The following ZNF121 variants were observed in gnomAD, a reference collection of about 807,000 sequenced individuals.
The protein encoded by ZNF121 is zinc finger protein 121 (clone ZHC32).
A neutral mutation model predicts 2.4 loss-of-function variants in ZNF121; 1 was observed. The observed-to-expected ratio is 0.41, with a 90% CI of 0.15 to 1.94. The LOEUF (loss-of-function observed/expected upper bound fraction) is 1.94, where lower values mean the gene tolerates loss of function less well. Ranked by LOEUF, ZNF121 falls within the 30% of genes most tolerant of loss-of-function variation. The pLI is 0.30. For synonymous variants in ZNF121, 173 were observed against 158.6 expected, an observed-to-expected ratio of 1.09 and a Z score of -0.68; for missense variants, 369 against 466.3, an observed-to-expected ratio of 0.79 and a Z score of 1.92.
In ZNF121 at chr19:9,561,761, G is replaced by C. The variant is rs2074102045; in HGVS notation, c.*4179C>G. The C allele has an allele frequency of 6.6e-6, 1 of 152,056 alleles. No homozygotes were observed. The highest frequency in any genetic ancestry group is 2.1e-4 in the South Asian group (1 of 4,816). 9.4% of individuals were successfully genotyped at this position (152,056 alleles called of 1,614,324 possible). On this transcript the variant is annotated 3_prime_UTR_variant, in exon 4 of 4. Coordinates refer to ENST00000320451, the MANE Select transcript of ZNF121 (RefSeq NM_001008727.5). ...TAAGTGGGTGCGTTAGCATGTGCCT[G>C]TGGTCCCAGGTACTCAGGAGACTCA...
intron 1 of ZNF121, among the ~76,000 whole-genome samples, chr19:9,582,935 G>A (rs563344889): frequency 1.7e-4 from 7 of 41,324 alleles, no homozygotes; most frequent in African/African-American, 2.6e-4. Context: ...CTCCATCCTG[G>A]CCAGGAGCGG....
chr19:9,567,183 GAC>G (rs2074140113), intron 3 of ZNF121, 74 bp from the exon 4 acceptor site: 2 of 1,330,706 alleles, frequency 1.5e-6, no homozygotes, highest in South Asian at 1.4e-5. Flanking sequence ...TCTGAAATCA[GAC>G]AGTTTATTAT....
At chr19:9,582,902 GAAT>G (rs2074257721) in intron 1 of ZNF121, among the ~76,000 whole-genome samples, 1 of 39,224 alleles carries the variant, frequency 2.5e-5, no homozygotes, top group Non-Finnish European at 4.1e-5. Flanking sequence ...ACTAATACTA[GAAT>G]AATATTCTGA....
chr19:9,579,505 C>A (rs1463964237), intron 1 of ZNF121, among the ~76,000 whole-genome samples: 1 of 152,184 alleles, frequency 6.6e-6, no homozygotes, highest in South Asian at 2.1e-4. Flanking sequence ...GCCAACATGG[C>A]GAAACTCCAT....
intron 1 of ZNF121, among the ~76,000 whole-genome samples, chr19:9,570,270 A>C (rs1204981857): frequency 3.3e-5 from 5 of 152,100 alleles, no homozygotes; most frequent in Admixed American, 3.3e-4. Flanking sequence ...TTATGTTCTC[A>C]GGGCTGAAAT....
intron 1 of ZNF121, among the ~76,000 whole-genome samples, chr19:9,575,935 G>A (rs965205738): frequency 1.3e-5 from 2 of 152,026 alleles, no homozygotes; most frequent in East Asian, 1.9e-4. Context: ...CCCCACTCTC[G>A]GTAATGGACA....
chr19:9,569,242 T>A (rs930796353), intron 1 of ZNF121, among the ~76,000 whole-genome samples, 160 bp from the exon 2 acceptor site: 4 of 152,164 alleles, frequency 2.6e-5, no homozygotes, highest in African/African-American at 9.6e-5. Context: ...AGGAGTTGGT[T>A]ATCTCTGACC....
At position 9,563,469 on chromosome 19, in the gene ZNF121, G is replaced by GT. The variant is rs1192845893; in HGVS notation, c.*2470_*2471insA. ...GCATTTCCAGAATATCTAGATAAAT[G>GT]GCAGAGGTAGCTCTACTAGAGTTTT... On this transcript the variant is annotated 3_prime_UTR_variant, in exon 4 of 4. Coordinates refer to ENST00000320451, the MANE Select transcript of ZNF121 (RefSeq NM_001008727.5). 3.3e-5 allele frequency: 5 copies of GT among 152,240 alleles called. No individual in the cohort carries two copies. Among genetic ancestry groups the GT allele is most frequent in the Non-Finnish European group, 1.5e-5 (1 of 68,048 alleles). The allele number at this position is 152,240 out of a possible 1,614,324, so 9.4% of individuals were successfully genotyped here. A position where few individuals can be genotyped will look rare whatever the true frequency, so the allele number is the denominator to read the frequency against.
intron 1 of ZNF121, among the ~76,000 whole-genome samples, chr19:9,581,110 T>G (rs2074245609): frequency 6.6e-6 from 1 of 152,146 alleles, no homozygotes; most frequent in Non-Finnish European, 1.5e-5. Context: ...ATCAGAAATA[T>G]CTGATTGTAT....
intron 1 of ZNF121, among the ~76,000 whole-genome samples, chr19:9,571,362 C>A (rs1396116994): frequency 1.3e-5 from 2 of 152,064 alleles, no homozygotes; most frequent in East Asian, 3.9e-4. Context: ...TGGATTTATC[C>A]CAGTGGAGAA....
chr19:9,566,842 T>C lies in ZNF121; in HGVS notation c.271A>G (p.Ser91Gly), dbSNP rs1231854969. 4 of 1,614,232 alleles carry C rather than the reference T, an allele frequency of 2.5e-6. No homozygotes were observed. In the South Asian group the frequency reaches 4.4e-5, roughly 18 times the overall value. ...TWIGDKSFEY[S>G]DCEEAFVDQS... ...TCAACAAAGGCTTCCTCACAGTCACTGTATTCAAAGGATTTGTCTCCTATC... is the reference window on the plus strand; with the variant it reads ...TCAACAAAGGCTTCCTCACAGTCACCGTATTCAAAGGATTTGTCTCCTATC... The change falls in exon 4 of 4, where the codon AGT becomes GGT. Residue 91 changes from serine to glycine, a missense_variant. Around this residue, in one of 4 missense-constraint regions of ZNF121, gnomAD observed 168 missense variants for 162.3 expected, o/e 1.03. Coordinates refer to ENST00000320451, the MANE Select transcript of ZNF121 (RefSeq NM_001008727.5).
chr19:9,583,023 C>G (rs953747420), intron 1 of ZNF121, among the ~76,000 whole-genome samples: 1 of 126,162 alleles, frequency 7.9e-6, no homozygotes, highest in East Asian at 2.5e-4. Flanking sequence ...ACCAGCCTGG[C>G]GAGCATGGTG....
intron 1 of ZNF121, among the ~76,000 whole-genome samples, chr19:9,577,598 T>A (rs145006632): frequency 2.0e-5 from 3 of 152,126 alleles, no homozygotes; most frequent in African/African-American, 7.2e-5. Context: ...ATTAGAATAT[T>A]GTTAAAATGA....
At chr19:9,582,763 A>C (rs1010476575) in intron 1 of ZNF121, among the ~76,000 whole-genome samples, 3 of 151,974 alleles carry the variant, frequency 2.0e-5, no homozygotes, top group East Asian at 3.9e-4. Context: ...AAAAAAAAAA[A>C]AAAACTACTA....
At chr19:9,574,408 C>T (rs2074196155) in intron 1 of ZNF121, among the ~76,000 whole-genome samples, 1 of 152,072 alleles carries the variant, frequency 6.6e-6, no homozygotes. Flanking sequence ...CCCGCCTTGG[C>T]CTCCCAAAGT....
chr19:9,584,156 C>T (rs894275630), intron 1 of ZNF121: 3 of 152,188 alleles, frequency 2.0e-5, no homozygotes, highest in African/African-American at 7.2e-5. Flanking sequence ...CGGCAGAAAT[C>T]CTTTTACTTT....
chr19:9,568,380 T>C (rs1289813744), intron 2 of ZNF121, among the ~76,000 whole-genome samples: 3 of 152,018 alleles, frequency 2.0e-5, no homozygotes, highest in Admixed American at 6.6e-5. Context: ...AATTTTTTTT[T>C]TTTTTGAGAC....
chr19:9,561,740 TG>T lies in ZNF121; in HGVS notation c.*4199del, dbSNP rs1386930847. The T allele has an allele frequency of 6.6e-6, 1 of 151,852 alleles. No homozygotes were observed. Among genetic ancestry groups the T allele is most frequent in the Non-Finnish European group, 1.5e-5 (1 of 67,990 alleles). 9.4% of individuals were successfully genotyped at this position (151,852 alleles called of 1,614,324 possible). A position where few individuals can be genotyped will look rare whatever the true frequency, so the allele number is the denominator to read the frequency against. ...CGGCTCTACGAATAAAAAAATTAAG[TG>T]GGTGCGTTAGCATGTGCCTGTGGTC... On this transcript the variant is annotated 3_prime_UTR_variant, in exon 4 of 4. Transcript: ENST00000320451.
chr19:9,569,274 A>C (rs2074156365), intron 1 of ZNF121, among the ~76,000 whole-genome samples, 192 bp from the exon 2 acceptor site: 1 of 152,078 alleles, frequency 6.6e-6, no homozygotes, highest in East Asian at 1.9e-4. Context: ...ATTCAGACTT[A>C]AATACACATT....
Sources: gnomAD v4.1 joint callset for allele counts (sites outside exome capture counted in the v4.1 genomes callset) on GRCh38, gnomAD v4.1.1 for gene constraint, gnomAD v4.1.1 regional missense constraint, MANE v1.5 for transcripts, NCBI Gene and HGNC (gene_info 2026-07-23, HGNC 2026-07-21) for gene names.